The following COMMD6 variants were observed in gnomAD, a reference collection of about 807,000 sequenced individuals.
The protein encoded by COMMD6 is COMM domain containing 6.
Under a neutral mutation model 13.4 loss-of-function variants are expected in COMMD6, and 11 were observed. The observed-to-expected ratio is 0.82, with a 90% CI of 0.52 to 1.36. The LOEUF is 1.36. Ranked by LOEUF, COMMD6 falls within the 40% of genes most tolerant of loss-of-function variation. The pLI is 0.00. For synonymous variants in COMMD6, 43 were observed against 36.5 expected (o/e 1.18, Z -0.64); for missense variants, 124 against 102.4 (o/e 1.21, Z -0.91).
chr13:75,527,594 A>G (rs1452184227), intron 3 of COMMD6, among the ~76,000 whole-genome samples: 1 of 152,154 alleles, frequency 6.6e-6, no homozygotes, highest in Non-Finnish European at 1.5e-5. Context: ...ATTTATATTT[A>G]ATATGATTAT....
chr13:75,544,232 A>G (rs1008738919), intron 1 of COMMD6, among the ~76,000 whole-genome samples: 1 of 152,184 alleles, frequency 6.6e-6, no homozygotes, highest in African/African-American at 2.4e-5. Flanking sequence ...TGGGACTTAA[A>G]ATTTTTAGCC....
upstream of COMMD6, among the ~76,000 whole-genome samples, chr13:75,541,559 C>A (rs1341873313): frequency 6.6e-6 from 1 of 151,854 alleles, no homozygotes; most frequent in Non-Finnish European, 1.5e-5. Context: ...CTGCTTGGAC[C>A]AATACGGGTC....
intron 3 of COMMD6, chr13:75,527,813 A>C (rs1259812937): frequency 5.3e-6 from 8 of 1,505,058 alleles, no homozygotes; most frequent in Non-Finnish European, 6.2e-6. Context: ...TCAAACTCAC[A>C]GAAGCAGAAA....
intron 1 of COMMD6, among the ~76,000 whole-genome samples, chr13:75,548,345 A>T (rs1342251741): frequency 6.6e-6 from 1 of 152,222 alleles, no homozygotes; most frequent in Non-Finnish European, 1.5e-5. Context: ...ATACCTCTGA[A>T]GTCAAAGAAC....
chr13:75,546,123 G>T (rs1048033542), intron 1 of COMMD6, among the ~76,000 whole-genome samples: 7 of 152,032 alleles, frequency 4.6e-5, no homozygotes, highest in African/African-American at 1.7e-4. Context: ...TACCTACCAA[G>T]TATCCCCAAA....
intron 3 of COMMD6, among the ~76,000 whole-genome samples, chr13:75,529,357 A>G (rs2030382492): frequency 6.6e-6 from 1 of 152,002 alleles, no homozygotes; most frequent in African/African-American, 2.4e-5. Flanking sequence ...CATCTCTACT[A>G]AAAATACAAA....
At chr13:75,538,038 T>C (rs773221510), upstream of COMMD6, 101 of 446,662 alleles carry the variant, frequency 2.3e-4, no homozygotes, top group Non-Finnish European at 3.2e-4. Context: ...GGGAGATACT[T>C]TGAGAAGAGA....
intron 2 of COMMD6, among the ~76,000 whole-genome samples, chr13:75,531,459 C>T (rs573921569): frequency 2.0e-5 from 3 of 152,262 alleles, no homozygotes; most frequent in Admixed American, 2.0e-4. Context: ...ACTTTCTTTG[C>T]ACCAATCTCC....
rs2030251566 is a variant in COMMD6, at chr13:75,526,281, G to T, written c.*308C>A. 8.5e-6 allele frequency: 2 copies of T among 235,008 alleles called. No individual in the cohort carries two copies. The highest frequency in any genetic ancestry group is 8.1e-6 in the Non-Finnish European group (1 of 123,284). 14.6% of individuals were successfully genotyped at this position (235,008 alleles called of 1,614,324 possible). ...CAGTACAAGTTTTTAAACTACTGTTGTAACACATAAATTTGTGCTGCCTCC... is the reference window on the plus strand; with the variant it reads ...CAGTACAAGTTTTTAAACTACTGTTTTAACACATAAATTTGTGCTGCCTCC... On this transcript the variant is annotated 3_prime_UTR_variant, in exon 4 of 4. Coordinates refer to ENST00000682242, the MANE Select transcript of COMMD6 (RefSeq NM_203495.4).
intron 3 of COMMD6, chr13:75,527,747 CAGA>C: frequency 7.7e-7 from 1 of 1,301,260 alleles, no homozygotes; most frequent in Non-Finnish European, 9.8e-7. Context: ...TGAAATAAGC[CAGA>C]CACAGAAAGG....
chr13:75,543,889 GA>G (rs1252060305), intron 1 of COMMD6, among the ~76,000 whole-genome samples: 1 of 152,198 alleles, frequency 6.6e-6, no homozygotes, highest in Non-Finnish European at 1.5e-5. Context: ...TGAGAAAACT[GA>G]AGTTCAGGAA....
At chr13:75,528,658 A>T (rs1299188667) in intron 3 of COMMD6, among the ~76,000 whole-genome samples, 1 of 152,064 alleles carries the variant, frequency 6.6e-6, no homozygotes, top group Non-Finnish European at 1.5e-5. Flanking sequence ...CCTGGCCAAC[A>T]TGGTGAAACC....
At chr13:75,533,766 T>TA (rs2030572478) in intron 2 of COMMD6, among the ~76,000 whole-genome samples, 1 of 152,024 alleles carries the variant, frequency 6.6e-6, no homozygotes, top group Non-Finnish European at 1.5e-5. Flanking sequence ...TAGAAAATTA[T>TA]AAAAAATTGA....
At chr13:75,540,967 T>G (rs549732877), upstream of COMMD6, among the ~76,000 whole-genome samples, 5 of 152,326 alleles carry the variant, frequency 3.3e-5, no homozygotes, top group African/African-American at 1.2e-4. Context: ...CCAAGAGATA[T>G]GCAGTTGTCC....
intron 1 of COMMD6, among the ~76,000 whole-genome samples, chr13:75,549,011 G>T (rs924426069): frequency 6.6e-6 from 1 of 152,022 alleles, no homozygotes; most frequent in South Asian, 2.1e-4. Context: ...TCTTTTAAGG[G>T]TTCAGTCCAG....
At chr13:75,545,728 C>T (rs1236069788) in intron 1 of COMMD6, among the ~76,000 whole-genome samples, 1 of 152,158 alleles carries the variant, frequency 6.6e-6, no homozygotes, top group African/African-American at 2.4e-5. Flanking sequence ...GCCTCGGCCT[C>T]CCTGAATGTT....
upstream of COMMD6, among the ~76,000 whole-genome samples, chr13:75,538,200 C>A (rs370777319): frequency 6.6e-6 from 1 of 152,224 alleles, no homozygotes; most frequent in Non-Finnish European, 1.5e-5. Context: ...ACCCCCGGCA[C>A]ATGGGAGTTT....
At chr13:75,537,854 C>G (rs1478018681), upstream of COMMD6, 6 of 1,538,122 alleles carry the variant, frequency 3.9e-6, no homozygotes, top group Non-Finnish European at 5.3e-6. Flanking sequence ...CGCCCCCAGA[C>G]CAGCGCTTCC....
Position 75,529,520 on chromosome 13 carries a change from C to CA in COMMD6, c.207+593dup, listed in dbSNP as rs58073558. On this transcript the variant is annotated intron_variant, in intron 3 of 3. Transcript: ENST00000682242. ...TGGGCAACAGAGCGAGACTCCGTCT[C>CA]AAAAAAAAAAAAAAAAAAAAAAAAA... is the stretch of plus-strand genomic sequence containing the variant. Among the ~76,000 whole-genome samples, 97 of 104,612 alleles carry CA rather than the reference C, an allele frequency of 9.3e-4. 2 individuals carry two copies. Among genetic ancestry groups the CA allele is most frequent in the Non-Finnish European group, 1.3e-3 (66 of 51,880 alleles). The allele number at this position is 104,612 out of a possible 152,430, so 68.6% of individuals were successfully genotyped here.
Sources: gnomAD v4.1 joint callset for allele counts (sites outside exome capture counted in the v4.1 genomes callset) on GRCh38, gnomAD v4.1.1 for gene constraint, MANE v1.5 for transcripts, NCBI Gene and HGNC (gene_info 2026-07-23, HGNC 2026-07-21) for gene names.